Variants in C12orf54 observed in about 807,000 individuals in gnomAD.
C12orf54 encodes uncharacterized protein C12orf54.
C12orf54 carries 24 observed loss-of-function variants against 26.4 expected under a neutral mutation model. The observed-to-expected ratio is 0.91, with a 90% confidence interval of 0.66 to 1.28. The LOEUF is 1.28. Ranked by LOEUF, C12orf54 falls within the 50% of genes most tolerant of loss-of-function variation. C12orf54 has a pLI of 0.00. For synonymous variants in C12orf54, 54 were observed against 47.0 expected, an observed-to-expected ratio of 1.15 and a Z score of -0.61; for missense variants, 154 against 150.9, an observed-to-expected ratio of 1.02 and a Z score of -0.11.
At chr12:48,427,058 G>T in the C12orf54 span, among the ~76,000 whole-genome samples, 4 of 152,018 alleles carry the variant, frequency 2.6e-5, no homozygotes, top group Non-Finnish European at 5.9e-5. Flanking sequence ...CTTCCTATTT[G>T]GATGCCCTTT....
the C12orf54 span, among the ~76,000 whole-genome samples, chr12:48,458,523 A>T: frequency 6.6e-6 from 1 of 152,130 alleles, no homozygotes; most frequent in Non-Finnish European, 1.5e-5. Context: ...TGCATGGCTC[A>T]CCCAAACGTT....
chr12:48,467,209 G>C, the C12orf54 span, among the ~76,000 whole-genome samples: 1 of 152,050 alleles, frequency 6.6e-6, no homozygotes, highest in Non-Finnish European at 1.5e-5. Context: ...ACTGAAATAA[G>C]GCATTACAAA....
At chr12:48,476,997 T>C in the C12orf54 span, among the ~76,000 whole-genome samples, 7 of 152,204 alleles carry the variant, frequency 4.6e-5, no homozygotes, top group African/African-American at 1.7e-4. Context: ...TAGTTGGAAG[T>C]AAAGCACTCC....
intron 4 of C12orf54, among the ~76,000 whole-genome samples, chr12:48,487,237 A>T (rs1937669595): frequency 6.6e-6 from 1 of 152,188 alleles, no homozygotes; most frequent in Non-Finnish European, 1.5e-5. Context: ...TCAACATCCC[A>T]ATCTTACCAT....
the C12orf54 span, among the ~76,000 whole-genome samples, chr12:48,431,451 A>T: frequency 6.6e-6 from 1 of 152,182 alleles, no homozygotes; most frequent in African/African-American, 2.4e-5. Context: ...GTCAATATTT[A>T]AAAATTATAA....
chr12:48,418,622 A>G, the C12orf54 span, among the ~76,000 whole-genome samples: 1 of 152,206 alleles, frequency 6.6e-6, no homozygotes, highest in South Asian at 2.1e-4. Flanking sequence ...GCTTGGGAAC[A>G]CCAAATCATA....
the C12orf54 span, chr12:48,472,996 A>T: frequency 6.2e-7 from 1 of 1,614,164 alleles, no homozygotes; most frequent in Non-Finnish European, 8.5e-7. Context: ...CCCCTGAAAA[A>T]GTTAGAAAAC....
At chr12:48,492,203 G>A (rs1266775752) in intron 6 of C12orf54, among the ~76,000 whole-genome samples, 3 of 152,064 alleles carry the variant, frequency 2.0e-5, no homozygotes, top group Admixed American at 2.0e-4. Context: ...GTTCGTTAAG[G>A]GTACAAATCT....
the C12orf54 span, among the ~76,000 whole-genome samples, chr12:48,433,510 C>A: frequency 6.6e-6 from 1 of 150,860 alleles, no homozygotes; most frequent in Non-Finnish European, 1.5e-5. Context: ...TGCAGTGGCT[C>A]AATCTCGGCT....
At chr12:48,425,599 G>T in the C12orf54 span, among the ~76,000 whole-genome samples, 1 of 152,004 alleles carries the variant, frequency 6.6e-6, no homozygotes, top group Non-Finnish European at 1.5e-5. Flanking sequence ...ACCCAGTAGT[G>T]GATTTCTGTT....
chr12:48,439,087 G>A, the C12orf54 span, among the ~76,000 whole-genome samples: 123 of 152,202 alleles, frequency 8.1e-4, 1 homozygote, highest in Non-Finnish European at 1.5e-3. Flanking sequence ...CCATCAAAAC[G>A]TGGGCAAACA....
chr12:48,462,563 G>T, the C12orf54 span, among the ~76,000 whole-genome samples: 1,196 of 151,634 alleles, frequency 7.9e-3, 10 homozygotes, highest in Non-Finnish European at 0.011. Flanking sequence ...TTTACTCTAA[G>T]AATGCAACAT....
the C12orf54 span, among the ~76,000 whole-genome samples, chr12:48,439,148 T>C: frequency 1.7e-4 from 26 of 151,974 alleles, no homozygotes; most frequent in African/African-American, 5.6e-4. Flanking sequence ...CATGAAAAAA[T>C]GCTCATCATC....
upstream of C12orf54, among the ~76,000 whole-genome samples, chr12:48,480,856 T>C (rs1362259271): frequency 6.6e-6 from 1 of 152,144 alleles, no homozygotes; most frequent in African/African-American, 2.4e-5. Context: ...TTTCTCTTCA[T>C]GGAATACACC....
rs1406006203 is a variant in C12orf54, at chr12:48,492,996, G to A, written c.242+1G>A. On this transcript the variant is annotated splice_donor_variant, in intron 7 of 8. Transcript: ENST00000548364. LOFTEE classifies it high-confidence loss of function. The stretch of plus-strand genomic sequence containing the variant: ...CCATGACATCAGCACCCAGGACTGG[G>A]TAAGTGTCCCTATTCTGACAATGTT... 6 of 1,613,700 alleles carry A rather than the reference G, an allele frequency of 3.7e-6. No homozygotes were observed. The highest frequency in any genetic ancestry group is 5.1e-6 in the Non-Finnish European group (6 of 1,179,606).
intron 2 of C12orf54, 115 bp downstream of exon 2, chr12:48,483,476 T>C (rs1954222805): frequency 2.3e-6 from 2 of 863,986 alleles, no homozygotes; most frequent in South Asian, 3.6e-5. Context: ...GCTTCCTGGC[T>C]GAATAAGATG....
At chr12:48,477,731 G>A (rs2137079499), upstream of C12orf54, among the ~76,000 whole-genome samples, 1 of 152,240 alleles carries the variant, frequency 6.6e-6, no homozygotes, top group South Asian at 2.1e-4. Flanking sequence ...CCAATAACAG[G>A]AGCTGAAATT....
chr12:48,491,074 C>T (rs1295848099), intron 6 of C12orf54, among the ~76,000 whole-genome samples: 1 of 152,318 alleles, frequency 6.6e-6, no homozygotes, highest in East Asian at 1.9e-4. Flanking sequence ...CATTCATAAG[C>T]ACTGCAAGTC....
chr12:48,473,309 C>T, the C12orf54 span: 1 of 1,159,934 alleles, frequency 8.6e-7, no homozygotes, highest in Non-Finnish European at 1.3e-6. Context: ...AAGGTTATAA[C>T]AATGGAGAGG....
Sources: allele counts gnomAD v4.1 joint callset (sites outside exome capture counted in the v4.1 genomes callset), GRCh38; gene constraint gnomAD v4.1.1; transcripts MANE v1.5; gene names NCBI Gene and HGNC (gene_info 2026-07-23, HGNC 2026-07-21).